HEXD: variants seen among roughly 807,000 people sequenced by gnomAD.
HEXD encodes hexosaminidase D.
A neutral mutation model predicts 54.2 loss-of-function variants in HEXD; 47 were observed. The ratio of observed to expected loss-of-function variants is 0.87; its 90% CI spans 0.69 to 1.11. The LOEUF is 1.11. HEXD is among the 50% of genes least tolerant of loss of function. The pLI, the probability that HEXD is intolerant of heterozygous loss-of-function variation, is 0.00. For missense variants in HEXD, 576 were observed against 649.2 expected (o/e 0.89, Z 1.23); for synonymous variants, 293 against 287.6 (o/e 1.02, Z -0.19).
intron 4 of HEXD, among the ~76,000 whole-genome samples, chr17:82,433,144 T>TTA (rs2053659249): frequency 5.7e-5 from 4 of 69,874 alleles, no homozygotes; most frequent in Non-Finnish European, 1.0e-4. Context: ...TTTTTTTTTT[T>TTA]ATATATATAT....
In HEXD at chr17:82,418,426, GC is replaced by G; in HGVS notation, c.-365del. 6.8e-7 allele frequency: 1 copy of G among 1,478,818 alleles called. No individual in the cohort carries two copies. The highest frequency in any genetic ancestry group is 1.5e-5 in the African/African-American group (1 of 68,254). The allele number at this position is 1,478,818 out of a possible 1,614,324, so 91.6% of individuals were successfully genotyped here. A position where few individuals can be genotyped will look rare whatever the true frequency, so the allele number is the denominator to read the frequency against. On this transcript the variant is annotated 5_prime_UTR_variant, in exon 1 of 13. It introduces an in-frame stop codon into an upstream open reading frame of the 5' UTR. Coordinates refer to ENST00000327949, the MANE Select transcript of HEXD (RefSeq NM_001330542.2). ...CTCACCGCTACCTGCTCCGGTTCCG[GC>G]GCTCGGCCGCTCCGTTGCCCTCGGG...
chr17:82,428,697 T>G (rs1170797849), intron 4 of HEXD, 52 bp downstream of exon 4: 1 of 1,516,236 alleles, frequency 6.6e-7, no homozygotes. Flanking sequence ...GTCCAGGGGC[T>G]GCAGGCTGGG....
chr17:82,436,747 C>T lies in HEXD; in HGVS notation c.703+9C>T. On this transcript the variant is annotated intron_variant, in intron 7 of 12. Coordinates refer to ENST00000327949, the MANE Select transcript of HEXD (RefSeq NM_001330542.2). ...GGATGTGCACGGCAAGGGTCAGTGC[C>T]AAGTTGTGGGGGGTGTGTTGTCCTG... 6.2e-7 allele frequency: 1 copy of T among 1,609,792 alleles called. No homozygotes were observed. Among genetic ancestry groups the T allele is most frequent in the Non-Finnish European group, 8.5e-7 (1 of 1,178,006 alleles).
chr17:82,422,264 CATAATATTTCATAACAAGATAA>C (rs2053257984), intron 2 of HEXD, among the ~76,000 whole-genome samples: 1 of 152,008 alleles, frequency 6.6e-6, no homozygotes, highest in Admixed American at 6.6e-5. Flanking sequence ...AACACTGTTC[CATAATATTTCATAACAAGATAA>C]AAGATACTCA....
chr17:82,430,128 G>A (rs1476329187), intron 4 of HEXD, among the ~76,000 whole-genome samples: 1 of 152,088 alleles, frequency 6.6e-6, no homozygotes, highest in Non-Finnish European at 1.5e-5. Flanking sequence ...CTTTCCTAAT[G>A]GGTCTCCCGG....
Position 82,442,037 on chromosome 17 carries a change from T to C in HEXD, c.1254-140T>C. The C allele has an allele frequency of 1.3e-5, 17 of 1,315,198 alleles. No individual in the cohort carries two copies. In the South Asian group the frequency reaches 2.1e-4, roughly 17 times the overall value. 81.5% of individuals were successfully genotyped at this position (1,315,198 alleles called of 1,614,324 possible). ...CTCAGATGTGCAGCTGTCACCGACT[T>C]GTTCCTCCCGACATGCCGATGAGGT... On this transcript the variant is annotated intron_variant, in intron 12 of 12. Coordinates refer to ENST00000327949, the MANE Select transcript of HEXD (RefSeq NM_001330542.2). This position sits in a 1 kb window ranked among gnomAD's most constrained non-coding sequence, Gnocchi z 6.8.
At chr17:82,441,971 A>C (rs2053994114) in intron 12 of HEXD, 82 bp downstream of exon 12, 11 of 1,432,496 alleles carry the variant, frequency 7.7e-6, no homozygotes, top group Admixed American at 1.7e-5. Flanking sequence ...CCTCAACTAG[A>C]GAGCAGAGGG....
chr17:82,421,285 CA>C (rs1464309794), intron 2 of HEXD, among the ~76,000 whole-genome samples: 1 of 152,088 alleles, frequency 6.6e-6, no homozygotes, highest in Non-Finnish European at 1.5e-5. Flanking sequence ...AAATACGTAA[CA>C]AAACTTCCTT....
rs184104259 is a variant in HEXD, at chr17:82,420,176, C to T, written c.84+293C>T. The T allele has an allele frequency of 2.5e-4, 60 of 237,610 alleles. No homozygotes were observed. The East Asian group carries it at 4.2e-3, about 16-fold the overall frequency. The allele number at this position is 237,610 out of a possible 1,614,324, so 14.7% of individuals were successfully genotyped here. The stretch of plus-strand genomic sequence containing the variant: ...CCAAAAAGATATGTTCAAGTCTTAA[C>T]CCCTGGGACCTGTGAATGAGACCTT... On this transcript the variant is annotated intron_variant, in intron 2 of 12. Transcript: ENST00000327949.
intron 2 of HEXD, among the ~76,000 whole-genome samples, chr17:82,424,176 G>C (rs1024494736): frequency 1.3e-5 from 2 of 152,214 alleles, no homozygotes; most frequent in Non-Finnish European, 2.9e-5. Flanking sequence ...CTGTTTCATA[G>C]CATATCTCCC....
At chr17:82,438,514 C>G (rs994271209) in intron 8 of HEXD, among the ~76,000 whole-genome samples, 2 of 152,250 alleles carry the variant, frequency 1.3e-5, no homozygotes, top group African/African-American at 4.8e-5. Context: ...CTGGCGCTCC[C>G]AGGCCCCTGC....
chr17:82,436,564 G>T, intron 6 of HEXD, 103 bp from the exon 7 acceptor site: 1 of 879,594 alleles, frequency 1.1e-6, no homozygotes, highest in Non-Finnish European at 1.8e-6. Context: ...TCTTAAAAAG[G>T]TATCTGTGCT....
rs767287246 is a variant in HEXD, at chr17:82,428,630, A to C, written c.267A>C (p.Thr89=). Reference sequence around the variant, plus strand: ...TGGAGGTGATTCCCTTGGTGCAGACATTTGGACACATGGAGGTGAGTGGCA... The same window carrying C: ...TGGAGGTGATTCCCTTGGTGCAGACCTTTGGACACATGGAGGTGAGTGGCA... ...NELEVIPLVQ[T]FGHMEFVLKH... is the part of the protein sequence containing the mutation. Residue 89 remains threonine (T), a synonymous_variant, in exon 4 of 13, where the codon ACA becomes ACC. Coordinates refer to ENST00000327949, the MANE Select transcript of HEXD (RefSeq NM_001330542.2). 6.2e-7 allele frequency: 1 copy of C among 1,613,114 alleles called. No individual in the cohort carries two copies. The highest frequency in any genetic ancestry group is 1.7e-4 in the Middle Eastern group (1 of 6,044).
chr17:82,422,004 T>A (rs1164314319), intron 2 of HEXD, among the ~76,000 whole-genome samples: 1 of 151,698 alleles, frequency 6.6e-6, no homozygotes. Flanking sequence ...GTGTCTCTAC[T>A]AAAAATACCA....
rs761441326 is a variant in HEXD, at chr17:82,435,824, CT to C, written c.584del (p.Leu195ArgfsTer101). ...GGCCCGGCGCCCCAGCGTGACACCC[CT>C]GGTGTGGGACGACATGCTCCGAGAC... ...VKARRPSVTPLVWDDMLRDLP... is the reference protein window; with the variant it reads ...VKARRPSVTPXVWDDMLRDLP... On this transcript the variant is annotated frameshift_variant, in exon 6 of 13. Transcript: ENST00000327949. LOFTEE classifies it high-confidence loss of function. The C allele has an allele frequency of 1.4e-5, 23 of 1,612,366 alleles. No homozygotes were observed. The African/African-American group carries it at 2.9e-4, about 21-fold the overall frequency.
intron 4 of HEXD, among the ~76,000 whole-genome samples, chr17:82,433,091 A>AAAAAAAT (rs1555617647): frequency 7.6e-5 from 1 of 13,232 alleles, no homozygotes; most frequent in African/African-American, 6.1e-4. Context: ...AAAAAAAAAA[A>AAAAAAAT]ATATATATAT....
rs1275662133 is a variant in HEXD, at chr17:82,434,105, G to A, written c.447+283G>A. On this transcript the variant is annotated intron_variant, in intron 5 of 12. Transcript: ENST00000327949. This position sits in a 1 kb window ranked among gnomAD's most constrained non-coding sequence, Gnocchi z 4.5. ...CAGAGCCCGAGGGAGGCACCCTCGT[G>A]TCAGACGAGACCACCCCGGGCGGCT... Among the ~76,000 whole-genome samples, 1 of 152,232 alleles carries A rather than the reference G, an allele frequency of 6.6e-6. No individual in the cohort carries two copies. Among genetic ancestry groups the A allele is most frequent in the Non-Finnish European group, 1.5e-5 (1 of 68,030 alleles).
At position 82,435,693 on chromosome 17, in the gene HEXD, A is replaced by G. The variant is rs1178311276; in HGVS notation, c.452A>G (p.Tyr151Cys). The change falls in exon 6 of 13, where the codon TAT (tyrosine) becomes TGT (cysteine). Residue 151 changes from tyrosine (Y) to cysteine (C), a missense_variant. Transcript: ENST00000327949. Reference sequence around the variant, plus strand: ...CGTCCTGCTCCTTCCTTGCAGGTCTATTACCTCGGAGAGGGGGAGGCCTCG... The same window carrying G: ...CGTCCTGCTCCTTCCTTGCAGGTCTGTTACCTCGGAGAGGGGGAGGCCTCG... ...QRLHIGCDEV[Y>C]YLGEGEASRR... The G allele has an allele frequency of 9.9e-6, 16 of 1,611,422 alleles. No homozygotes were observed. Among genetic ancestry groups the G allele is most frequent in the Middle Eastern group, 1.6e-4 (1 of 6,074 alleles).
chr17:82,437,132 C>T (rs757657975), intron 7 of HEXD, 36 bp from the exon 8 acceptor site: 24 of 1,541,162 alleles, frequency 1.6e-5, no homozygotes, highest in Non-Finnish European at 2.0e-5. Flanking sequence ...TGGCCGCCTC[C>T]CCTGGAGCCA....
Sources: allele counts gnomAD v4.1 joint callset (sites outside exome capture counted in the v4.1 genomes callset), GRCh38; gene constraint gnomAD v4.1.1; non-coding constraint Gnocchi (gnomAD v3.1); transcripts MANE v1.5; gene names NCBI Gene and HGNC (gene_info 2026-07-23, HGNC 2026-07-21).